DRC4: variants seen among roughly 807,000 people sequenced by gnomAD.
The protein encoded by DRC4 is GAS-11.
the DRC4 span, among the ~76,000 whole-genome samples, chr16:90,027,351 G>C: frequency 6.6e-6 from 1 of 151,874 alleles, no homozygotes; most frequent in Non-Finnish European, 1.5e-5. Context: ...GCCTCCCAAA[G>C]TGCTGGGATT....
At chr16:90,022,612 G>T in the DRC4 span, 1 of 1,240,600 alleles carries the variant, frequency 8.1e-7, no homozygotes, top group Non-Finnish European at 1.1e-6. Flanking sequence ...AGTCTCGCGA[G>T]GATCTTGTGA....
chr16:90,023,063 G>C, the DRC4 span, among the ~76,000 whole-genome samples: 2 of 152,200 alleles, frequency 1.3e-5, no homozygotes, highest in African/African-American at 4.8e-5. Flanking sequence ...GGCAGACTCG[G>C]TCTGTTGGAT....
chr16:90,026,300 T>C, the DRC4 span, among the ~76,000 whole-genome samples: 2 of 151,920 alleles, frequency 1.3e-5, no homozygotes, highest in East Asian at 3.9e-4. Flanking sequence ...CACAAGGGGG[T>C]GGGGTTAGAA....
the DRC4 span, among the ~76,000 whole-genome samples, chr16:90,028,491 C>T: frequency 9.2e-5 from 14 of 152,054 alleles, no homozygotes; most frequent in Non-Finnish European, 4.4e-5. Context: ...CCTGGCCAGT[C>T]ATTCATTGTT....
At chr16:90,023,067 G>T in the DRC4 span, among the ~76,000 whole-genome samples, 461 of 152,322 alleles carry the variant, frequency 3.0e-3, no homozygotes, top group African/African-American at 0.01. Context: ...GACTCGGTCT[G>T]TTGGATCCCT....
chr16:90,038,464 C>G, the DRC4 span, among the ~76,000 whole-genome samples: 1 of 152,212 alleles, frequency 6.6e-6, no homozygotes, highest in Non-Finnish European at 1.5e-5. Context: ...TTAGCCGACT[C>G]CCGTCTGTTT....
the DRC4 span, chr16:90,022,690 C>T: frequency 4.2e-6 from 6 of 1,421,276 alleles, no homozygotes; most frequent in South Asian, 2.7e-5. Context: ...GCCCTGGTCC[C>T]GGAGTCGCCG....
the DRC4 span, chr16:90,022,346 T>G: frequency 4.8e-6 from 1 of 209,232 alleles, no homozygotes; most frequent in East Asian, 9.7e-5. Flanking sequence ...GGGTGGCTGA[T>G]TGATCATTCC....
the DRC4 span, chr16:90,040,108 C>G: frequency 1.6e-6 from 1 of 620,580 alleles, no homozygotes. Flanking sequence ...CTGCCTTCCA[C>G]TGCGTGGATG....
the DRC4 span, among the ~76,000 whole-genome samples, chr16:90,033,414 A>G: frequency 6.6e-6 from 1 of 152,356 alleles, no homozygotes; most frequent in African/African-American, 2.4e-5. Flanking sequence ...CCAAAATCCC[A>G]GCACTTGGGA....
At chr16:90,034,704 A>T in the DRC4 span, among the ~76,000 whole-genome samples, 1 of 151,508 alleles carries the variant, frequency 6.6e-6, no homozygotes, top group Non-Finnish European at 1.5e-5. Context: ...TAAATATATA[A>T]TAATTGTTCA....
At chr16:90,028,688 G>A in the DRC4 span, among the ~76,000 whole-genome samples, 1 of 152,202 alleles carries the variant, frequency 6.6e-6, no homozygotes, top group Admixed American at 6.5e-5. Context: ...AAAGGCTCCT[G>A]GAGACGGCAG....
chr16:90,044,575 G>C, the DRC4 span: 2 of 471,132 alleles, frequency 4.2e-6, no homozygotes, highest in Non-Finnish European at 8.8e-6. Context: ...GAGCTTGTAG[G>C]TGCCTGCCTT....
the DRC4 span, chr16:90,040,253 C>A: frequency 6.5e-7 from 1 of 1,528,110 alleles, no homozygotes; most frequent in Non-Finnish European, 8.8e-7. Flanking sequence ...AGCGAGATGT[C>A]CCCAGGTGAG....
At chr16:90,035,863 G>T in the DRC4 span, 2 of 1,495,678 alleles carry the variant, frequency 1.3e-6, no homozygotes, top group East Asian at 2.5e-5. Context: ...CAGAATCCCA[G>T]AACAACCTAT....
chr16:90,037,131 G>C, the DRC4 span: 6 of 1,223,146 alleles, frequency 4.9e-6, no homozygotes, highest in Non-Finnish European at 6.8e-6. Flanking sequence ...GCTGGCAGCA[G>C]CTGGTGATGG....
At chr16:90,037,135 G>A in the DRC4 span, 1 of 1,279,196 alleles carries the variant, frequency 7.8e-7, no homozygotes, top group South Asian at 1.5e-5. Flanking sequence ...GCAGCAGCTG[G>A]TGATGGGCAG....
chr16:90,040,276 C>T, the DRC4 span: 2 of 1,555,678 alleles, frequency 1.3e-6, no homozygotes, highest in Non-Finnish European at 1.7e-6. Flanking sequence ...GCCTCATCGC[C>T]CACCCCCAGC....
the DRC4 span, chr16:90,022,535 C>G: frequency 1.9e-6 from 1 of 533,996 alleles, no homozygotes. Flanking sequence ...CGTTCACAAC[C>G]GGGTTCCTTC....
Sources: allele counts gnomAD v4.1 joint callset (sites outside exome capture counted in the v4.1 genomes callset), GRCh38; gene constraint gnomAD v4.1.1; transcripts MANE v1.5; gene names NCBI Gene and HGNC (gene_info 2026-07-23, HGNC 2026-07-21).